CHSY3: variants seen among roughly 807,000 people sequenced by gnomAD.
CHSY3 encodes N-acetylgalactosaminyl-proteoglycan 3-beta-glucuronosyltransferase 3.
Under a neutral mutation model 67.2 loss-of-function variants are expected in CHSY3, and 35 were observed. The ratio of observed to expected loss-of-function variants is 0.52; its 90% confidence interval spans 0.40 to 0.69. The LOEUF (loss-of-function observed/expected upper bound fraction) is 0.69. Ranked by LOEUF, CHSY3 falls within the 30% of genes least tolerant of loss-of-function variation. The pLI, the probability that CHSY3 is intolerant of heterozygous loss-of-function variation, is 0.00. For missense variants in CHSY3, 1,069 were observed against 1,138.5 expected, an observed-to-expected ratio of 0.94 and a Z score of 0.88; for synonymous variants, 474 against 434.7, an observed-to-expected ratio of 1.09 and a Z score of -1.12.
Position 130,185,569 on chromosome 5 carries a change from T to A in CHSY3, c.2427T>A (p.Asp809Glu), listed in dbSNP as rs149464298. Reference sequence around the variant, plus strand: ...AAGGCTGGGGACTAGAAGATGTAGATCTCTACAATAAAGTCATTCTATCTG... The same window carrying A: ...AAGGCTGGGGACTAGAAGATGTAGAACTCTACAATAAAGTCATTCTATCTG... ...SIQGWGLEDV[D>E]LYNKVILSGL... Residue 809 changes from aspartate to glutamate, a missense_variant, in exon 3 of 3, where the codon GAT becomes GAA. Physicochemically the swap from Asp to Glu is conservative, Grantham distance 45. Around this residue, in one of 5 missense-constraint regions of CHSY3, gnomAD observed 139 missense variants for 152.8 expected, o/e 0.91. Coordinates refer to ENST00000305031, the MANE Select transcript of CHSY3 (RefSeq NM_175856.5). The A allele has an allele frequency of 1.5e-5, 24 of 1,613,978 alleles. 1 individual carries two copies. Among genetic ancestry groups the A allele is most frequent in the Non-Finnish European group, 2.5e-6 (3 of 1,179,972 alleles).
At chr5:129,932,225 A>T (rs1761341191) in intron 2 of CHSY3, among the ~76,000 whole-genome samples, 1 of 149,942 alleles carries the variant, frequency 6.7e-6, no homozygotes, top group Admixed American at 6.7e-5. Flanking sequence ...GGGGGCTGGC[A>T]AGTTTAAAAT....
chr5:130,078,574 C>A (rs150214451), intron 2 of CHSY3, among the ~76,000 whole-genome samples: 254 of 152,118 alleles, frequency 1.7e-3, no homozygotes, highest in African/African-American at 5.8e-3. Context: ...TATTCAAAAC[C>A]CTCAGCTATT....
intron 2 of CHSY3, chr5:130,140,832 C>T: frequency 3.9e-6 from 1 of 253,608 alleles, no homozygotes; most frequent in South Asian, 9.3e-5. Flanking sequence ...TGTGAATGTG[C>T]TAAGCATATT....
chr5:130,005,430 C>CA (rs11325320), intron 2 of CHSY3, among the ~76,000 whole-genome samples: 1,799 of 147,806 alleles, frequency 0.012, 37 homozygotes, highest in African/African-American at 0.039. Context: ...GACGAAACAA[C>CA]AAAAAAAAAA....
chr5:129,942,293 G>A (rs1435696471), intron 2 of CHSY3, among the ~76,000 whole-genome samples: 2 of 152,102 alleles, frequency 1.3e-5, no homozygotes, highest in East Asian at 3.9e-4. Flanking sequence ...TAGTACCACA[G>A]TAACACTTGT....
In CHSY3 at chr5:130,141,311, T is replaced by C. The variant is rs535295371; in HGVS notation, c.1087-42918T>C. 61 of 396,028 alleles carry C rather than the reference T, an allele frequency of 1.5e-4. No individual in the cohort carries two copies. In the East Asian group the frequency reaches 3.7e-3, roughly 24 times the overall value. 24.5% of individuals were successfully genotyped at this position (396,028 alleles called of 1,614,324 possible). ...TCAAGCAGACATAGACCTCATTACC[T>C]ACTTTGACAACCAGCGTGGTGTGCT... is the stretch of plus-strand genomic sequence containing the variant. On this transcript the variant is annotated intron_variant, in intron 2 of 2. Transcript: ENST00000305031.
chr5:129,927,848 A>G (rs778994059), intron 2 of CHSY3, among the ~76,000 whole-genome samples: 4 of 151,458 alleles, frequency 2.6e-5, no homozygotes, highest in Middle Eastern at 3.4e-3. Context: ...CTTGTTTTCC[A>G]TTTCTCCATA....
At chr5:130,164,533 T>C (rs1367572904) in intron 2 of CHSY3, among the ~76,000 whole-genome samples, 1 of 152,182 alleles carries the variant, frequency 6.6e-6, no homozygotes, top group African/African-American at 2.4e-5. Flanking sequence ...TATCACTGTA[T>C]TGAGATGGCT....
At position 130,184,741 on chromosome 5, in the gene CHSY3, C is replaced by A; in HGVS notation, c.1599C>A (p.His533Gln). Residue 533 changes from histidine to glutamine, a missense_variant, in exon 3 of 3, where the codon CAC becomes CAA. His to Gln is a conservative substitution (Grantham distance 24). Coordinates refer to ENST00000305031, the MANE Select transcript of CHSY3 (RefSeq NM_175856.5). ...GCTACCGCAGAGTTAACCCCATGCA[C>A]GGGGTGGAGTACATTTTGGATTTAC... ...QYGYRRVNPMHGVEYILDLLL... is the reference protein window; with the variant it reads ...QYGYRRVNPMQGVEYILDLLL... 1 of 1,593,250 alleles carries A rather than the reference C, an allele frequency of 6.3e-7. No individual in the cohort carries two copies. Among genetic ancestry groups the A allele is most frequent in the Non-Finnish European group, 8.6e-7 (1 of 1,160,942 alleles).
At chr5:130,147,315 T>C (rs558518027) in intron 2 of CHSY3, among the ~76,000 whole-genome samples, 1 of 152,336 alleles carries the variant, frequency 6.6e-6, no homozygotes, top group African/African-American at 2.4e-5. Flanking sequence ...ACGTGAGTTG[T>C]GATTGTATCA....
intron 2 of CHSY3, among the ~76,000 whole-genome samples, chr5:130,029,831 C>T (rs1170056665): frequency 6.6e-6 from 1 of 152,118 alleles, no homozygotes; most frequent in African/African-American, 2.4e-5. Flanking sequence ...CTCCTACCAA[C>T]CCCCATCCCC....
intron 2 of CHSY3, among the ~76,000 whole-genome samples, chr5:129,969,438 G>T (rs1762572612): frequency 6.6e-6 from 1 of 151,724 alleles, no homozygotes; most frequent in African/African-American, 2.4e-5. Context: ...CTAAACATTA[G>T]CTAATTGTAG....
intron 2 of CHSY3, among the ~76,000 whole-genome samples, chr5:129,995,613 C>T (rs1037947888): frequency 2.0e-5 from 3 of 147,764 alleles, no homozygotes; most frequent in Non-Finnish European, 4.5e-5. Context: ...TAAGGTTCTT[C>T]GTTCCTTCCT....
At chr5:130,000,151 T>C (rs1392609313) in intron 2 of CHSY3, among the ~76,000 whole-genome samples, 1 of 152,202 alleles carries the variant, frequency 6.6e-6, no homozygotes, top group Admixed American at 6.5e-5. Flanking sequence ...ATAATGATTA[T>C]GGATAACATA....
chr5:130,141,721 C>T lies in CHSY3; in HGVS notation c.1087-42508C>T, dbSNP rs1250013468. On this transcript the variant is annotated intron_variant, in intron 2 of 2. Coordinates refer to ENST00000305031, the MANE Select transcript of CHSY3 (RefSeq NM_175856.5). ...AGGCAAGATTAACGTTGAGGACAAA[C>T]AGAAGATTCTTGATAAGGGTATTAA... 1.5e-5 allele frequency: 8 copies of T among 523,998 alleles called. No individual in the cohort carries two copies. The East Asian group carries it at 3.6e-4, about 23-fold the overall frequency. 32.5% of individuals were successfully genotyped at this position (523,998 alleles called of 1,614,324 possible). A position where few individuals can be genotyped will look rare whatever the true frequency, so the allele number is the denominator to read the frequency against.
In CHSY3 at chr5:130,149,067, G is replaced by T. The variant is rs184891322; in HGVS notation, c.1087-35162G>T. On this transcript the variant is annotated intron_variant, in intron 2 of 2. Transcript: ENST00000305031. ...TATTTAATCCATCTTGAGTTGATTT[G>T]TGTATATGTTGTAAGGAAGTGGTCC... 3.6e-3 allele frequency among the ~76,000 whole-genome samples: 546 copies of T among 152,184 alleles called. 2 individuals are homozygous for T. The highest frequency in any genetic ancestry group is 6.3e-3 in the Non-Finnish European group (425 of 67,996).
chr5:130,156,607 G>T (rs1227262010), intron 2 of CHSY3, among the ~76,000 whole-genome samples: 2 of 152,184 alleles, frequency 1.3e-5, no homozygotes, highest in African/African-American at 4.8e-5. Context: ...AACATATCAT[G>T]CTCTCTGAGC....
chr5:129,995,697 C>T (rs1223850218), intron 2 of CHSY3, among the ~76,000 whole-genome samples: 1 of 151,916 alleles, frequency 6.6e-6, no homozygotes, highest in African/African-American at 2.4e-5. Flanking sequence ...TTAGTTCTGA[C>T]TCCAACAACT....
At chr5:130,172,691 A>G (rs886595187) in intron 2 of CHSY3, among the ~76,000 whole-genome samples, 2 of 152,150 alleles carry the variant, frequency 1.3e-5, no homozygotes, top group Non-Finnish European at 2.9e-5. Context: ...GTGCTACGCA[A>G]TGTTTCTGTA....
Sources: allele counts gnomAD v4.1 joint callset (sites outside exome capture counted in the v4.1 genomes callset), GRCh38; gene constraint gnomAD v4.1.1; regional missense constraint gnomAD v4.1.1; transcripts MANE v1.5; gene names NCBI Gene and HGNC (gene_info 2026-07-23, HGNC 2026-07-21).